The following ZNF536 variants were observed in gnomAD, a reference collection of about 807,000 sequenced individuals.
ZNF536 encodes the protein zinc finger protein 536.
ZNF536 carries 13 observed loss-of-function variants against 84.5 expected under a neutral mutation model. The observed-to-expected ratio is 0.15, with a 90% CI of 0.10 to 0.24. The LOEUF (loss-of-function observed/expected upper bound fraction) is 0.24. Among genes scored for constraint, ZNF536 ranks in the 10% least tolerant of loss-of-function variants. ZNF536 has a pLI of 1.00. For missense variants in ZNF536, 1,536 were observed against 1,747.5 expected (o/e 0.88, Z 2.16); for synonymous variants, 811 against 742.5 (o/e 1.09, Z -1.50).
intron 1 of ZNF536, among the ~76,000 whole-genome samples, chr19:30,433,008 C>A (rs559593174): frequency 1.3e-5 from 2 of 152,144 alleles, no homozygotes; most frequent in African/African-American, 2.4e-5. Context: ...CTTCTTGAGC[C>A]GCTGTTTTGC....
intron 2 of ZNF536, among the ~76,000 whole-genome samples, chr19:30,529,519 CCCT>C (rs911930072): frequency 1.3e-5 from 2 of 152,182 alleles, no homozygotes; most frequent in African/African-American, 4.8e-5. Context: ...AGCCCACATC[CCCT>C]CCTCTGAATA....
At chr19:30,670,471 G>GA (rs1046049341) in intron 1 of ZNF536, among the ~76,000 whole-genome samples, 6 of 152,216 alleles carry the variant, frequency 3.9e-5, no homozygotes, top group Admixed American at 3.3e-4. Context: ...CTGTCTGTGG[G>GA]ATGCCCGGCC....
At chr19:30,606,255 AT>A (rs1388784739) in intron 1 of ZNF536, among the ~76,000 whole-genome samples, 8 of 6,000 alleles carry the variant, frequency 1.3e-3, no homozygotes, top group African/African-American at 3.0e-3. Flanking sequence ...AATAAAATAA[AT>A]AAAATAAAAT....
intron 1 of ZNF536, among the ~76,000 whole-genome samples, chr19:30,391,540 C>A (rs991679084): frequency 5.9e-5 from 9 of 152,158 alleles, no homozygotes; most frequent in Non-Finnish European, 1.0e-4. Flanking sequence ...CGCACCATTG[C>A]ACTCCAGCCT....
At chr19:30,642,448 C>T (rs1179754747) in intron 1 of ZNF536, among the ~76,000 whole-genome samples, 2 of 152,028 alleles carry the variant, frequency 1.3e-5, no homozygotes, top group Admixed American at 6.6e-5. Flanking sequence ...CCAGGTTAAG[C>T]CCCAGTGAGA....
At position 30,603,887 on chromosome 19, in the gene ZNF536, C is replaced by T. The variant is rs538155200; in HGVS notation, c.169+54373C>T. 5.3e-5 allele frequency among the ~76,000 whole-genome samples: 8 copies of T among 152,090 alleles called. No individual in the cohort carries two copies. The South Asian group carries it at 8.3e-4, about 16-fold the overall frequency. On this transcript the variant is annotated intron_variant, in intron 1 of 1. Transcript: ENST00000592773. ...GGTGGATCACCTGAGATCAGGAGTT[C>T]GAGACCAGCCTGGCCAACATGGTGA...
chr19:30,350,893 G>A (rs2146708845), intron 2 of ZNF536, among the ~76,000 whole-genome samples: 1 of 152,306 alleles, frequency 6.6e-6, no homozygotes, highest in Admixed American at 6.5e-5. Context: ...ACACAATGGT[G>A]CTTCATACTT....
At chr19:30,494,296 G>A (rs532774722) in intron 2 of ZNF536, among the ~76,000 whole-genome samples, 1 of 152,272 alleles carries the variant, frequency 6.6e-6, no homozygotes, top group African/African-American at 2.4e-5. Flanking sequence ...TCAGTGTCCC[G>A]ACAAGTGGAC....
intron 2 of ZNF536, among the ~76,000 whole-genome samples, chr19:30,343,999 G>C (rs2047648265): frequency 6.6e-6 from 1 of 152,064 alleles, no homozygotes; most frequent in South Asian, 2.1e-4. Context: ...CCATGCGAAA[G>C]TGTCAGAGGG....
intron 2 of ZNF536, among the ~76,000 whole-genome samples, chr19:30,496,092 C>A (rs975824243): frequency 1.3e-5 from 2 of 152,120 alleles, no homozygotes; most frequent in Non-Finnish European, 2.9e-5. Context: ...ACTCTCCGGG[C>A]GTTCCTGGGG....
intron 1 of ZNF536, among the ~76,000 whole-genome samples, chr19:30,680,080 G>C (rs1274885469): frequency 6.6e-6 from 1 of 152,052 alleles, no homozygotes; most frequent in Non-Finnish European, 1.5e-5. Context: ...GAGGGGTCAG[G>C]CTGAGTGGGA....
chr19:30,462,454 G>T (rs557502643), intron 2 of ZNF536, among the ~76,000 whole-genome samples: 1 of 152,164 alleles, frequency 6.6e-6, no homozygotes, highest in African/African-American at 2.4e-5. Flanking sequence ...AGCTGCGGGT[G>T]CATGTATCCC....
intron 1 of ZNF536, among the ~76,000 whole-genome samples, chr19:30,420,269 C>T (rs548951902): frequency 9.2e-5 from 14 of 152,172 alleles, no homozygotes; most frequent in African/African-American, 3.4e-4. Context: ...CAAAATACCC[C>T]CAAAGAAGAA....
intron 1 of ZNF536, among the ~76,000 whole-genome samples, chr19:30,611,403 CCTT>C (rs1183604939): frequency 6.6e-6 from 1 of 152,140 alleles, no homozygotes; most frequent in African/African-American, 2.4e-5. Context: ...CTCTTATACT[CCTT>C]ATTATATTGC....
chr19:30,637,803 G>T (rs2049126439), intron 1 of ZNF536, among the ~76,000 whole-genome samples: 1 of 152,118 alleles, frequency 6.6e-6, no homozygotes, highest in Non-Finnish European at 1.5e-5. Flanking sequence ...CATTGATTGA[G>T]CTAGTTGCTT....
At chr19:30,363,803 A>G (rs2048345916) in intron 3 of ZNF536, among the ~76,000 whole-genome samples, 1 of 152,228 alleles carries the variant, frequency 6.6e-6, no homozygotes, top group Non-Finnish European at 1.5e-5. Flanking sequence ...AGCTTCATGG[A>G]AGGGCTGGCC....
chr19:30,695,312 G>A (rs896013274), intron 1 of ZNF536, among the ~76,000 whole-genome samples: 5 of 152,320 alleles, frequency 3.3e-5, no homozygotes, highest in Non-Finnish European at 7.4e-5. Context: ...CCCCCAGAAA[G>A]AGGTCCTTCA....
chr19:30,333,556 C>T (rs1224556826), intron 2 of ZNF536, among the ~76,000 whole-genome samples: 1 of 152,230 alleles, frequency 6.6e-6, no homozygotes, highest in African/African-American at 2.4e-5. Flanking sequence ...TTCCTGCAGG[C>T]CTTCCTGGTA....
intron 3 of ZNF536, among the ~76,000 whole-genome samples, chr19:30,357,687 G>A (rs758750455): frequency 1.3e-5 from 2 of 152,108 alleles, no homozygotes; most frequent in Non-Finnish European, 2.9e-5. Context: ...AAGCAGCAGG[G>A]CCCGGTAGCT....
Sources: gnomAD v4.1 joint callset for allele counts (sites outside exome capture counted in the v4.1 genomes callset) on GRCh38, gnomAD v4.1.1 for gene constraint, MANE v1.5 for transcripts, NCBI Gene and HGNC (gene_info 2026-07-23, HGNC 2026-07-21) for gene names.